The following MAN2A1 variants were observed in gnomAD, a reference collection of about 807,000 sequenced individuals.
MAN2A1 encodes alpha-mannosidase 2.
A neutral mutation model predicts 142.6 loss-of-function variants in MAN2A1; 76 were observed. That is an observed-to-expected ratio of 0.53 (90% CI 0.44 to 0.65). The LOEUF (loss-of-function observed/expected upper bound fraction) is 0.65. Ranked by LOEUF, MAN2A1 falls within the 30% of genes least tolerant of loss-of-function variation. The probability of loss-of-function intolerance (pLI) is 0.00; values close to 1 mark genes in which losing one functional copy is unlikely to be tolerated. For synonymous variants in MAN2A1, 559 were observed against 473.2 expected, an observed-to-expected ratio of 1.18 and a Z score of -2.35; for missense variants, 1,311 against 1,365.1, an observed-to-expected ratio of 0.96 and a Z score of 0.62.
chr5:109,735,167 C>CT (rs1752051709), intron 4 of MAN2A1, among the ~76,000 whole-genome samples: 1 of 152,034 alleles, frequency 6.6e-6, no homozygotes, highest in African/African-American at 2.4e-5. Context: ...GGTTTAAAGT[C>CT]TGTTTTATCA....
At chr5:109,749,755 A>G (rs1433745947) in intron 4 of MAN2A1, among the ~76,000 whole-genome samples, 1 of 152,040 alleles carries the variant, frequency 6.6e-6, no homozygotes, top group Admixed American at 6.6e-5. Context: ...TTTAAATTCT[A>G]ATGTTTTTAA....
At chr5:109,831,917 T>C (rs965352197) in intron 16 of MAN2A1, among the ~76,000 whole-genome samples, 1 of 151,846 alleles carries the variant, frequency 6.6e-6, no homozygotes, top group Non-Finnish European at 1.5e-5. Context: ...TTATTATTTG[T>C]ATGCAGTTGG....
At chr5:109,722,068 G>C (rs1751619395) in intron 3 of MAN2A1, among the ~76,000 whole-genome samples, 1 of 152,178 alleles carries the variant, frequency 6.6e-6, no homozygotes, top group Non-Finnish European at 1.5e-5. Context: ...TCTTTTTCCA[G>C]AACCAGTACT....
At chr5:109,722,648 T>G (rs930817232) in intron 3 of MAN2A1, among the ~76,000 whole-genome samples, 4 of 152,154 alleles carry the variant, frequency 2.6e-5, no homozygotes, top group Admixed American at 2.6e-4. Flanking sequence ...ACTCCTGACC[T>G]CAAGTGATCC....
intron 12 of MAN2A1, among the ~76,000 whole-genome samples, chr5:109,812,377 G>T (rs138255031): frequency 1.3e-3 from 197 of 152,048 alleles, no homozygotes; most frequent in African/African-American, 4.5e-3. Context: ...TTAAGGTCTT[G>T]AATTTTTTCC....
At chr5:109,690,624 C>T (rs1004363552) in intron 1 of MAN2A1, 72 bp downstream of exon 1, 1 of 1,486,736 alleles carries the variant, frequency 6.7e-7, no homozygotes, top group South Asian at 1.2e-5. Flanking sequence ...CGGCTGCTAC[C>T]CAACCTCTTC....
At chr5:109,843,896 T>C (rs1755280576) in intron 17 of MAN2A1, among the ~76,000 whole-genome samples, 1 of 152,210 alleles carries the variant, frequency 6.6e-6, no homozygotes, top group Non-Finnish European at 1.5e-5. Flanking sequence ...TGAATAGAAA[T>C]AATTTTACAA....
intron 15 of MAN2A1, among the ~76,000 whole-genome samples, chr5:109,821,818 T>A (rs1396739218): frequency 1.3e-5 from 2 of 152,156 alleles, no homozygotes; most frequent in Non-Finnish European, 2.9e-5. Flanking sequence ...CTATATGTTG[T>A]AAAATTTTTC....
At chr5:109,866,073 A>T (rs1462015812) in intron 21 of MAN2A1, among the ~76,000 whole-genome samples, 1 of 152,140 alleles carries the variant, frequency 6.6e-6, no homozygotes, top group Non-Finnish European at 1.5e-5. Context: ...CCCTGAACCT[A>T]CTTAGATAGA....
intron 12 of MAN2A1, among the ~76,000 whole-genome samples, chr5:109,807,578 C>T (rs1371001816): frequency 1.3e-5 from 2 of 152,124 alleles, no homozygotes; most frequent in Non-Finnish European, 2.9e-5. Flanking sequence ...TTGTATATCC[C>T]ATCCACTTGG....
chr5:109,698,023 G>A (rs1750863028), intron 1 of MAN2A1, among the ~76,000 whole-genome samples: 1 of 152,148 alleles, frequency 6.6e-6, no homozygotes, highest in Middle Eastern at 3.2e-3. Flanking sequence ...GACTGCTCTG[G>A]GAAGGAAGGT....
intron 3 of MAN2A1, among the ~76,000 whole-genome samples, chr5:109,725,230 A>G (rs1252328650): frequency 2.6e-5 from 4 of 152,240 alleles, no homozygotes; most frequent in Non-Finnish European, 4.4e-5. Context: ...TCAGTGATCT[A>G]GAAGACCAAA....
chr5:109,690,949 G>A (rs572637893), intron 1 of MAN2A1, among the ~76,000 whole-genome samples: 21 of 152,148 alleles, frequency 1.4e-4, no homozygotes, highest in African/African-American at 4.8e-4. Flanking sequence ...TAAGCCGCCC[G>A]CACCAGCCCA....
At chr5:109,702,466 A>G (rs1022318783) in intron 1 of MAN2A1, among the ~76,000 whole-genome samples, 1 of 152,078 alleles carries the variant, frequency 6.6e-6, no homozygotes. Context: ...TTGTTCTGAA[A>G]GTCAGACAGA....
chr5:109,724,077 A>T (rs1751677988), intron 3 of MAN2A1, among the ~76,000 whole-genome samples: 1 of 152,230 alleles, frequency 6.6e-6, no homozygotes, highest in Admixed American at 6.5e-5. Context: ...GAAGTGTTGG[A>T]ATTAAAATTA....
chr5:109,772,698 C>T (rs548439542), intron 7 of MAN2A1, among the ~76,000 whole-genome samples: 87 of 152,114 alleles, frequency 5.7e-4, no homozygotes, highest in African/African-American at 1.9e-3. Context: ...TTTGTAGTGA[C>T]GAGGTCTCCC....
intron 20 of MAN2A1, among the ~76,000 whole-genome samples, chr5:109,856,791 G>A (rs1333279044): frequency 6.6e-6 from 1 of 152,116 alleles, no homozygotes; most frequent in Non-Finnish European, 1.5e-5. Flanking sequence ...GCGTGTGTGT[G>A]TATTGAAAGG....
rs1028799527 is a variant in MAN2A1 at position 109,800,105 on chromosome 5, A to C, written c.1943+10578A>C. ...TGTTGTCTCAAAAAAAAAAAAAAAA[A>C]ACAACCTCAGACTTCACCTCTAGAT... On this transcript the variant is annotated intron_variant, in intron 12 of 21. Coordinates refer to ENST00000261483, the MANE Select transcript of MAN2A1 (RefSeq NM_002372.4). Among the ~76,000 whole-genome samples, 7 of 140,496 alleles carry C rather than the reference A, an allele frequency of 5.0e-5. 1 individual carries two copies. Among genetic ancestry groups the C allele is most frequent in the African/African-American group, 1.4e-4 (5 of 36,026 alleles). The allele number at this position is 140,496 out of a possible 152,430, so 92.2% of individuals were successfully genotyped here. A position where few individuals can be genotyped will look rare whatever the true frequency, so the allele number is the denominator to read the frequency against.
chr5:109,700,940 C>G (rs1750963188), intron 1 of MAN2A1, among the ~76,000 whole-genome samples: 1 of 152,116 alleles, frequency 6.6e-6, no homozygotes, highest in South Asian at 2.1e-4. Flanking sequence ...TTTAGGGAAA[C>G]AAAACTGCCG....
Sources: allele counts gnomAD v4.1 joint callset (sites outside exome capture counted in the v4.1 genomes callset), GRCh38; gene constraint gnomAD v4.1.1; transcripts MANE v1.5; gene names NCBI Gene and HGNC (gene_info 2026-07-23, HGNC 2026-07-21).